Variants in AEBP2 observed in about 807,000 individuals in gnomAD.
AEBP2 encodes AE binding protein 2.
Under a neutral mutation model 50.8 loss-of-function variants are expected in AEBP2, and 10 were observed. The ratio of observed to expected loss-of-function variants is 0.20; its 90% CI spans 0.12 to 0.33. The LOEUF (loss-of-function observed/expected upper bound fraction) is 0.33, where lower values mean the gene tolerates loss of function less well. Among genes scored for constraint, AEBP2 ranks in the 10% least tolerant of loss-of-function variants. AEBP2 has a pLI of 1.00. For synonymous variants in AEBP2, 296 were observed against 261.3 expected, an observed-to-expected ratio of 1.13 and a Z score of -1.28; for missense variants, 570 against 688.0, an observed-to-expected ratio of 0.83 and a Z score of 1.92.
intron 1 of AEBP2, among the ~76,000 whole-genome samples, chr12:19,407,722 A>G (rs1474656243): frequency 6.6e-6 from 1 of 151,962 alleles, no homozygotes; most frequent in Non-Finnish European, 1.5e-5. Flanking sequence ...TACAGGTGTG[A>G]GCCACTGAGC....
At chr12:19,457,450 G>T in intron 1 of AEBP2, 2 of 1,520,446 alleles carry the variant, frequency 1.3e-6, no homozygotes, top group South Asian at 1.2e-5. Context: ...CCACGTTCAC[G>T]CTCAGCTTTC....
chr12:19,405,968 GTTT>G (rs35045932), intron 1 of AEBP2, among the ~76,000 whole-genome samples: 2 of 129,770 alleles, frequency 1.5e-5, no homozygotes, highest in East Asian at 2.3e-4. Context: ...TGCCTGGCCA[GTTT>G]TTTTTTTTTT....
chr12:19,470,915 C>T (rs1948562225), intron 2 of AEBP2, among the ~76,000 whole-genome samples: 1 of 152,074 alleles, frequency 6.6e-6, no homozygotes, highest in Non-Finnish European at 1.5e-5. Flanking sequence ...GATATTGTTC[C>T]CAAATACTTT....
chr12:19,484,241 G>C (rs980485727), intron 3 of AEBP2, among the ~76,000 whole-genome samples: 1 of 139,734 alleles, frequency 7.2e-6, no homozygotes, highest in Admixed American at 7.6e-5. Context: ...GCACCACAAC[G>C]CCCAGCCAAT....
At chr12:19,514,860 CTTAGT>C in intron 7 of AEBP2, 76 bp downstream of exon 7, 1 of 1,136,324 alleles carries the variant, frequency 8.8e-7, no homozygotes, top group Non-Finnish European at 1.3e-6. Flanking sequence ...TAAATTAGGA[CTTAGT>C]TTTAAGTGCT....
At chr12:19,416,280 T>A (rs1276259912) in intron 1 of AEBP2, among the ~76,000 whole-genome samples, 1 of 152,200 alleles carries the variant, frequency 6.6e-6, no homozygotes, top group African/African-American at 2.4e-5. Context: ...TTGGTTCAGG[T>A]TAGTTTGGAA....
intron 5 of AEBP2, among the ~76,000 whole-genome samples, chr12:19,501,802 T>TTTTTG (rs1177503449): frequency 1.4e-5 from 2 of 143,774 alleles, no homozygotes; most frequent in Admixed American, 7.0e-5. Context: ...AGTTTGTTTT[T>TTTTTG]TTTTTTTTTT....
intron 3 of AEBP2, among the ~76,000 whole-genome samples, chr12:19,490,056 A>C (rs1948875110): frequency 9.0e-6 from 1 of 111,214 alleles, no homozygotes; most frequent in African/African-American, 3.6e-5. Flanking sequence ...TTTTTTGCCC[A>C]GGCTAGTCTC....
chr12:19,459,398 AT>A (rs1256360722), intron 1 of AEBP2, among the ~76,000 whole-genome samples: 1 of 151,842 alleles, frequency 6.6e-6, no homozygotes, highest in Non-Finnish European at 1.5e-5. Flanking sequence ...TGCCTGGCTA[AT>A]TTTTTGTGTT....
At chr12:19,415,729 TC>T (rs2095742228) in intron 1 of AEBP2, among the ~76,000 whole-genome samples, 1 of 144,654 alleles carries the variant, frequency 6.9e-6, no homozygotes, top group African/African-American at 2.6e-5. Context: ...CCAGAGGCTC[TC>T]TTTGCCCTTT....
At chr12:19,507,718 C>A (rs1409623454) in intron 5 of AEBP2, among the ~76,000 whole-genome samples, 1 of 152,106 alleles carries the variant, frequency 6.6e-6, no homozygotes, top group Admixed American at 6.6e-5. Flanking sequence ...GAGATAAGGT[C>A]TTCGCTGGAC....
At chr12:19,427,461 G>A (rs2095749159) in intron 1 of AEBP2, among the ~76,000 whole-genome samples, 1 of 147,998 alleles carries the variant, frequency 6.8e-6, no homozygotes, top group Non-Finnish European at 1.5e-5. Context: ...TCCTATGTTT[G>A]AAACTTCTGG....
At chr12:19,481,446 A>G (rs1176643651) in intron 3 of AEBP2, among the ~76,000 whole-genome samples, 1 of 148,992 alleles carries the variant, frequency 6.7e-6, no homozygotes, top group African/African-American at 2.5e-5. Context: ...TTTTATTTCT[A>G]GAAGTTGTGA....
At chr12:19,454,967 G>A (rs1396287110) in intron 1 of AEBP2, among the ~76,000 whole-genome samples, 4 of 151,594 alleles carry the variant, frequency 2.6e-5, no homozygotes, top group Non-Finnish European at 5.9e-5. Context: ...CTTTTGATCT[G>A]TTTTAGGGAG....
intron 1 of AEBP2, among the ~76,000 whole-genome samples, chr12:19,431,953 G>A (rs1336832551): frequency 6.6e-6 from 1 of 152,142 alleles, no homozygotes; most frequent in Non-Finnish European, 1.5e-5. Flanking sequence ...GAATTTTTCA[G>A]AAGTATGTCA....
chr12:19,500,861 T>G (rs1788274467), intron 5 of AEBP2, among the ~76,000 whole-genome samples: 1 of 152,198 alleles, frequency 6.6e-6, no homozygotes, highest in South Asian at 2.1e-4. Flanking sequence ...CATTTTATTT[T>G]TTGGTTAATT....
At chr12:19,468,672 C>T (rs548353682) in intron 2 of AEBP2, among the ~76,000 whole-genome samples, 1 of 152,164 alleles carries the variant, frequency 6.6e-6, no homozygotes, top group Admixed American at 6.6e-5. Context: ...CAAGGATACA[C>T]TGGTTCATAC....
intron 7 of AEBP2, among the ~76,000 whole-genome samples, chr12:19,516,397 G>T (rs7971443): frequency 0.42 from 63,090 of 151,600 alleles, 14,383 homozygotes; most frequent in Non-Finnish European, 0.54. Flanking sequence ...CTCTTAGAGA[G>T]TTGTCAAAGG....
rs575430581 is a variant in AEBP2 at position 19,461,627 on chromosome 12, A to G, written c.672-883A>G. 1.2e-4 allele frequency among the ~76,000 whole-genome samples: 19 copies of G among 152,158 alleles called. No homozygotes were observed. The South Asian group carries it at 3.9e-3, about 32-fold the overall frequency. On this transcript the variant is annotated intron_variant, in intron 1 of 7. Coordinates refer to ENST00000266508, the MANE Select transcript of AEBP2 (RefSeq NM_153207.5). ...TGGGTTCAAGAGATTCTCCTGCCTC[A>G]GCCTCCTGAGTAGCTGGGATTACAG...
Sources: gnomAD v4.1 joint callset for allele counts (sites outside exome capture counted in the v4.1 genomes callset) on GRCh38, gnomAD v4.1.1 for gene constraint, MANE v1.5 for transcripts, NCBI Gene and HGNC (gene_info 2026-07-23, HGNC 2026-07-21) for gene names.